ENKUR: variants seen among roughly 807,000 people sequenced by gnomAD.
ENKUR encodes enkurin.
In ENKUR, 19 loss-of-function variants were observed where a neutral mutation model predicts 27.6. The ratio of observed to expected loss-of-function variants is 0.69; its 90% CI spans 0.48 to 1.01. The LOEUF (loss-of-function observed/expected upper bound fraction) is 1.01. Ranked by LOEUF, ENKUR falls within the 50% of genes least tolerant of loss-of-function variation. The pLI is 0.00. For synonymous variants in ENKUR, 117 were observed against 96.9 expected (o/e 1.21, Z -1.22); for missense variants, 312 against 310.5 (o/e 1.00, Z -0.04).
At position 25,016,134 on chromosome 10, in the gene ENKUR, C is replaced by A; in HGVS notation, c.-198G>T. 1.6e-6 allele frequency: 2 copies of A among 1,246,000 alleles called. No homozygotes were observed. The highest frequency in any genetic ancestry group is 2.0e-6 in the Non-Finnish European group (2 of 992,952). The allele number at this position is 1,246,000 out of a possible 1,614,324, so 77.2% of individuals were successfully genotyped here. ...GGGAAGAAAACACCCTATTTCTCTCCGGATTGCTAAGCGTCGTTGACTGTG... is the reference window on the plus strand; with the variant it reads ...GGGAAGAAAACACCCTATTTCTCTCAGGATTGCTAAGCGTCGTTGACTGTG... On this transcript the variant is annotated 5_prime_UTR_variant, in exon 1 of 6. Transcript: ENST00000331161.
chr10:25,057,650 T>C (rs1851276455), intron 2 of ENKUR, among the ~76,000 whole-genome samples: 1 of 152,148 alleles, frequency 6.6e-6, no homozygotes, highest in African/African-American at 2.4e-5. Flanking sequence ...CCACTACCTC[T>C]GTGGGATAAG....
chr10:25,028,635 C>T (rs568022145), intron 2 of ENKUR, among the ~76,000 whole-genome samples: 25 of 152,310 alleles, frequency 1.6e-4, no homozygotes, highest in African/African-American at 6.0e-4. Flanking sequence ...CTTCTTTATT[C>T]TCCAATCAAG....
chr10:25,011,893 A>G (rs1170055075), intron 1 of ENKUR, among the ~76,000 whole-genome samples: 1 of 152,238 alleles, frequency 6.6e-6, no homozygotes, highest in Non-Finnish European at 1.5e-5. Flanking sequence ...AACAATGGGG[A>G]AAATGTCTCC....
chr10:25,015,475 C>T (rs1361512388), intron 1 of ENKUR, among the ~76,000 whole-genome samples: 3 of 152,108 alleles, frequency 2.0e-5, no homozygotes, highest in Non-Finnish European at 4.4e-5. Flanking sequence ...AAATACAACA[C>T]CGAACTCCTG....
chr10:24,993,097 C>T (rs1185946526), intron 3 of ENKUR, among the ~76,000 whole-genome samples: 1 of 152,104 alleles, frequency 6.6e-6, no homozygotes, highest in African/African-American at 2.4e-5. Context: ...AGTTCAAGAC[C>T]AGCCTGGGCA....
At chr10:25,002,171 T>C (rs1850201252) in intron 1 of ENKUR, among the ~76,000 whole-genome samples, 1 of 152,216 alleles carries the variant, frequency 6.6e-6, no homozygotes, top group Non-Finnish European at 1.5e-5. Flanking sequence ...CCCTGTGTAT[T>C]AGGAGGTGTC....
At chr10:25,028,889 A>G (rs1850901745) in intron 2 of ENKUR, among the ~76,000 whole-genome samples, 2 of 152,112 alleles carry the variant, frequency 1.3e-5, no homozygotes, top group Admixed American at 6.5e-5. Context: ...ATAGTTCTGC[A>G]TTGTTTAGTT....
intron 2 of ENKUR, chr10:25,023,224 A>G (rs1588673934): frequency 6.2e-7 from 1 of 1,604,824 alleles, no homozygotes. Context: ...TGAAAAGAGA[A>G]TGCTCCACTT....
At chr10:25,060,853 G>A (rs1851318073) in intron 2 of ENKUR, among the ~76,000 whole-genome samples, 1 of 151,980 alleles carries the variant, frequency 6.6e-6, no homozygotes, top group African/African-American at 2.4e-5. Context: ...GACTACAGGT[G>A]TGTGCCACTA....
intron 3 of ENKUR, among the ~76,000 whole-genome samples, chr10:24,994,808 G>A (rs1850008741): frequency 6.6e-6 from 1 of 152,018 alleles, no homozygotes; most frequent in South Asian, 2.1e-4. Context: ...GATCACTTGA[G>A]GTCAGGAGTC....
exon 2 of ENKUR, chr10:25,061,217 TG>T (rs1851322917): frequency 7.1e-7 from 1 of 1,417,450 alleles, no homozygotes; most frequent in South Asian, 1.2e-5. Context: ...CCCTGGGCTT[TG>T]AAATCGACCC....
At chr10:25,013,718 G>C (rs1157704632) in intron 1 of ENKUR, among the ~76,000 whole-genome samples, 2 of 152,158 alleles carry the variant, frequency 1.3e-5, no homozygotes, top group African/African-American at 4.8e-5. Flanking sequence ...AGAGGTGGGT[G>C]GATTACTGGA....
intron 5 of ENKUR, 85 bp from the exon 6 acceptor site, chr10:24,984,461 G>A: frequency 7.2e-7 from 1 of 1,397,898 alleles, no homozygotes; most frequent in Non-Finnish European, 9.7e-7. Flanking sequence ...TGTGAAACAA[G>A]TACATAATAA....
intron 2 of ENKUR, among the ~76,000 whole-genome samples, chr10:25,056,827 A>T (rs1374642315): frequency 6.6e-6 from 1 of 152,198 alleles, no homozygotes; most frequent in Admixed American, 6.5e-5. Flanking sequence ...CAAAGTGCTG[A>T]AAACTCAAAA....
chr10:25,041,648 G>A (rs1851065783), intron 2 of ENKUR, among the ~76,000 whole-genome samples: 1 of 151,944 alleles, frequency 6.6e-6, no homozygotes, highest in African/African-American at 2.4e-5. Flanking sequence ...TGGATCTATT[G>A]TCAAGTTTAC....
intron 2 of ENKUR, among the ~76,000 whole-genome samples, chr10:25,042,118 A>T (rs1851070935): frequency 2.0e-5 from 3 of 152,072 alleles, no homozygotes; most frequent in Admixed American, 2.0e-4. Context: ...CTCACACTGA[A>T]ATTTTTGAAA....
chr10:25,029,474 A>G (rs1291461935), intron 2 of ENKUR, among the ~76,000 whole-genome samples: 1 of 152,184 alleles, frequency 6.6e-6, no homozygotes, highest in East Asian at 1.9e-4. Context: ...TTCAAAAATA[A>G]TCATGGATGG....
rs762093478 is a variant in ENKUR at position 25,056,358 on chromosome 10, T to C, written c.37+4754A>G. ...ACAGCACACGCAGAATCAATTCCAA[T>C]GCAGGTCAGTCATGCAAATTTCTAT... On this transcript the variant is annotated intron_variant, in intron 2 of 5. Transcript: ENST00000615958. Among the ~76,000 whole-genome samples, 18 of 152,330 alleles carry C rather than the reference T, an allele frequency of 1.2e-4. No individual in the cohort carries two copies. In the South Asian group the frequency reaches 3.5e-3, roughly 30 times the overall value.
At chr10:25,039,944 A>G (rs1350618365) in intron 2 of ENKUR, among the ~76,000 whole-genome samples, 1 of 151,794 alleles carries the variant, frequency 6.6e-6, no homozygotes, top group Non-Finnish European at 1.5e-5. Flanking sequence ...TATTAAAAAA[A>G]AAAAAAAAAA....
Sources: gnomAD v4.1 joint callset for allele counts (sites outside exome capture counted in the v4.1 genomes callset) on GRCh38, gnomAD v4.1.1 for gene constraint, MANE v1.5 for transcripts, NCBI Gene and HGNC (gene_info 2026-07-23, HGNC 2026-07-21) for gene names.